The following POLH variants were observed in gnomAD, a reference collection of about 807,000 sequenced individuals.
POLH encodes DNA polymerase eta transcript.
In POLH, 53 loss-of-function variants were observed where a neutral mutation model predicts 73.6. The ratio of observed to expected loss-of-function variants is 0.72; its 90% confidence interval spans 0.58 to 0.91. The LOEUF is 0.91. Among genes scored for constraint, POLH ranks in the 40% least tolerant of loss-of-function variants. The pLI, the probability that POLH is intolerant of heterozygous loss-of-function variation, is 0.00. For missense variants in POLH, 768 were observed against 865.4 expected, an observed-to-expected ratio of 0.89 and a Z score of 1.41; for synonymous variants, 292 against 308.5, an observed-to-expected ratio of 0.95 and a Z score of 0.56.
rs1294337902 is a variant in POLH, at chr6:43,616,598, AAAC to A, written c.*2044_*2046del. Among the ~76,000 whole-genome samples the A allele has an allele frequency of 1.3e-5, 2 of 151,920 alleles. No homozygotes were observed. Among genetic ancestry groups the A allele is most frequent in the African/African-American group, 2.4e-5 (1 of 41,336 alleles). On this transcript the variant is annotated 3_prime_UTR_variant, in exon 11 of 11. Transcript: ENST00000372236. Reference sequence around the variant, plus strand: ...TGAGAGACTGTCTCAAAAAAAAAAAAAACAAAAGAAAAACTTCTCTCTAGCTCT... The same window carrying A: ...TGAGAGACTGTCTCAAAAAAAAAAAAAAAAGAAAAACTTCTCTCTAGCTCT...
At chr6:43,600,429 A>AAAAG (rs111520001) in intron 5 of POLH, among the ~76,000 whole-genome samples, 4 of 152,020 alleles carry the variant, frequency 2.6e-5, no homozygotes, top group African/African-American at 9.7e-5. Flanking sequence ...AAAAAAAAAA[A>AAAAG]AGTTCTCAAG....
chr6:43,594,814 A>G (rs1765857095), intron 4 of POLH, among the ~76,000 whole-genome samples: 2 of 152,368 alleles, frequency 1.3e-5, no homozygotes, highest in South Asian at 4.1e-4. Context: ...CATGGTCAGT[A>G]GGTTATGAAG....
intron 9 of POLH, among the ~76,000 whole-genome samples, chr6:43,608,319 G>T (rs1016388096): frequency 6.6e-6 from 1 of 152,098 alleles, no homozygotes; most frequent in African/African-American, 2.4e-5. Flanking sequence ...ATGTCTTGGA[G>T]TTCTACAAGT....
intron 1 of POLH, among the ~76,000 whole-genome samples, chr6:43,580,741 C>T (rs1488624037): frequency 1.5e-5 from 2 of 130,172 alleles, no homozygotes; most frequent in Non-Finnish European, 3.4e-5. Context: ...CCCTCCCGGA[C>T]GGGGCGGCTG....
In POLH at chr6:43,597,861, A is replaced by G. The variant is rs766907046; in HGVS notation, c.656A>G (p.Asn219Ser). The stretch of plus-strand genomic sequence containing the variant: ...CAGTGTTCAGCTGGAATTTCACACA[A>G]TAAGGTGAAGGCTAATAGTAGATTT... ...GFQCSAGISH[N>S]KVLAKLACGL... Residue 219 changes from asparagine (N) to serine (S), a missense_variant, in exon 5 of 11, where the codon AAT (asparagine) becomes AGT (serine). Coordinates refer to ENST00000372236, the MANE Select transcript of POLH (RefSeq NM_006502.3). The G allele has an allele frequency of 1.2e-6, 2 of 1,611,406 alleles. No homozygotes were observed. Among genetic ancestry groups the G allele is most frequent in the South Asian group, 1.1e-5 (1 of 91,026 alleles).
chr6:43,592,817 A>G (rs1329862175), intron 4 of POLH, among the ~76,000 whole-genome samples: 5 of 152,146 alleles, frequency 3.3e-5, no homozygotes, highest in African/African-American at 1.2e-4. Context: ...CATCATTGCC[A>G]TTTTGTAACT....
intron 6 of POLH, 36 bp from the exon 7 acceptor site, chr6:43,603,856 T>A: frequency 6.2e-7 from 1 of 1,610,158 alleles, no homozygotes; most frequent in Non-Finnish European, 8.5e-7. Flanking sequence ...ATAGTTATGA[T>A]GTGACCTATC....
chr6:43,583,624 G>A (rs970646687), intron 3 of POLH, among the ~76,000 whole-genome samples: 10 of 152,102 alleles, frequency 6.6e-5, no homozygotes, highest in East Asian at 1.9e-4. Context: ...TGGAATGGGG[G>A]ATATGAATCA....
rs1768213089 is a variant in POLH at position 43,614,837 on chromosome 6, G to A, written c.*280G>A. On this transcript the variant is annotated 3_prime_UTR_variant, in exon 11 of 11. Coordinates refer to ENST00000372236, the MANE Select transcript of POLH (RefSeq NM_006502.3). ...AAGTAAAAAGTGTGTGGGCCTTGGA[G>A]TCTAAGAGACGTGGTTGCAAACTTA... 2.5e-6 allele frequency: 1 copy of A among 402,838 alleles called. No homozygotes were observed. Among genetic ancestry groups the A allele is most frequent in the Non-Finnish European group, 4.4e-6 (1 of 224,958 alleles). 25.0% of individuals were successfully genotyped at this position (402,838 alleles called of 1,614,324 possible).
At chr6:43,589,899 G>A (rs932250471) in intron 4 of POLH, among the ~76,000 whole-genome samples, 7 of 151,240 alleles carry the variant, frequency 4.6e-5, no homozygotes, top group African/African-American at 1.7e-4. Flanking sequence ...TTTTCTACTT[G>A]ATTATTGATG....
chr6:43,578,184 A>C (rs1763594215), intron 1 of POLH, among the ~76,000 whole-genome samples: 1 of 151,868 alleles, frequency 6.6e-6, no homozygotes, highest in Non-Finnish European at 1.5e-5. Context: ...GTCAGGAGTT[A>C]GAGACTAGCC....
rs1388669839 is a variant in POLH, at chr6:43,619,687, ATTTTC to A, written c.*5134_*5138del. Among the ~76,000 whole-genome samples, 1 of 152,168 alleles carries A rather than the reference ATTTTC, an allele frequency of 6.6e-6. No homozygotes were observed. The highest frequency in any genetic ancestry group is 6.5e-5 in the Admixed American group (1 of 15,276). The stretch of plus-strand genomic sequence containing the variant: ...AAGTACTGAAATGTGATTTTCCAAA[ATTTTC>A]TTTACAATACAGGCAAAAGATAAGT... On this transcript the variant is annotated 3_prime_UTR_variant, in exon 11 of 11. Coordinates refer to ENST00000372236, the MANE Select transcript of POLH (RefSeq NM_006502.3).
chr6:43,611,061 A>T (rs556392373), intron 10 of POLH, among the ~76,000 whole-genome samples: 9 of 152,188 alleles, frequency 5.9e-5, no homozygotes, highest in African/African-American at 1.2e-4. Context: ...TTAGCTCTAC[A>T]AGTAGTAGGA....
At chr6:43,608,712 T>C (rs925415427) in intron 9 of POLH, among the ~76,000 whole-genome samples, 2 of 152,278 alleles carry the variant, frequency 1.3e-5, no homozygotes, top group African/African-American at 4.8e-5. Flanking sequence ...CCTCTTTGTA[T>C]CCAGTGGGGA....
chr6:43,611,819 G>A (rs1428149972), intron 10 of POLH, among the ~76,000 whole-genome samples: 1 of 152,084 alleles, frequency 6.6e-6, no homozygotes, highest in Non-Finnish European at 1.5e-5. Context: ...ACTTTCGGAG[G>A]CCGAGGCAGG....
chr6:43,597,778 C>G lies in POLH; in HGVS notation c.573C>G (p.Thr191=). Residue 191 remains threonine (T), a synonymous_variant, in exon 5 of 11, where the codon ACC becomes ACG. Transcript: ENST00000372236. ...DNLTSPDLQL[T]VGAVIVEEMR... ...TCACCTCTCCAGACCTGCAGCTCAC[C>G]GTGGGAGCAGTGATTGTGGAGGAAA... 1 of 1,613,440 alleles carries G rather than the reference C, an allele frequency of 6.2e-7. No individual in the cohort carries two copies. Among genetic ancestry groups the G allele is most frequent in the Non-Finnish European group, 8.5e-7 (1 of 1,179,438 alleles).
intron 4 of POLH, among the ~76,000 whole-genome samples, chr6:43,595,178 T>A (rs1442457737): frequency 6.6e-6 from 1 of 151,922 alleles, no homozygotes; most frequent in African/African-American, 2.4e-5. Context: ...TTTTTTTTCT[T>A]TTTTGAGGTG....
chr6:43,580,747 G>A (rs1377479372), intron 1 of POLH, among the ~76,000 whole-genome samples: 5 of 135,978 alleles, frequency 3.7e-5, no homozygotes, highest in Middle Eastern at 3.6e-3. Flanking sequence ...CGGACGGGGC[G>A]GCTGGCCGGG....
At position 43,615,961 on chromosome 6, in the gene POLH, C is replaced by T. The variant is rs1185155036; in HGVS notation, c.*1404C>T. Among the ~76,000 whole-genome samples the T allele has an allele frequency of 1.3e-5, 2 of 152,064 alleles. No homozygotes were observed. Among genetic ancestry groups the T allele is most frequent in the African/African-American group, 4.8e-5 (2 of 41,432 alleles). ...TGCTGGGATTACAGATGTTAGCCAC[C>T]GATCCTGGCCCCCCCAAAAAAAGGA... On this transcript the variant is annotated 3_prime_UTR_variant, in exon 11 of 11. Coordinates refer to ENST00000372236, the MANE Select transcript of POLH (RefSeq NM_006502.3).
Sources: allele counts gnomAD v4.1 joint callset (sites outside exome capture counted in the v4.1 genomes callset), GRCh38; gene constraint gnomAD v4.1.1; transcripts MANE v1.5; gene names NCBI Gene and HGNC (gene_info 2026-07-23, HGNC 2026-07-21).